The following C1orf21 variants were observed in gnomAD, a reference collection of about 807,000 sequenced individuals.
C1orf21 encodes the protein uncharacterized protein C1orf21.
C1orf21 carries 3 observed loss-of-function variants against 18.7 expected under a neutral mutation model. The ratio of observed to expected loss-of-function variants is 0.16; its 90% confidence interval spans 0.07 to 0.42. The LOEUF (loss-of-function observed/expected upper bound fraction) is 0.42. Among genes scored for constraint, C1orf21 ranks in the 10% least tolerant of loss-of-function variants. The pLI is 0.99. For missense variants in C1orf21, 104 were observed against 143.6 expected, an observed-to-expected ratio of 0.72 and a Z score of 1.41; for synonymous variants, 41 against 46.4, an observed-to-expected ratio of 0.88 and a Z score of 0.47.
At chr1:184,414,216 C>T (rs1557966044) in intron 1 of C1orf21, among the ~76,000 whole-genome samples, 1 of 152,220 alleles carries the variant, frequency 6.6e-6, no homozygotes, top group East Asian at 1.9e-4. Flanking sequence ...ACCGTGGCCT[C>T]GACTCCCAGG....
intron 1 of C1orf21, among the ~76,000 whole-genome samples, chr1:184,402,826 G>A (rs189465100): frequency 8.5e-5 from 13 of 152,232 alleles, no homozygotes; most frequent in Admixed American, 4.6e-4. Context: ...GCCATTTCGC[G>A]TCTACCAGAT....
At chr1:184,428,520 T>C (rs1357515554) in intron 1 of C1orf21, among the ~76,000 whole-genome samples, 3 of 152,200 alleles carry the variant, frequency 2.0e-5, no homozygotes, top group Non-Finnish European at 4.4e-5. Context: ...CACTTCATGT[T>C]GTATCAGAAT....
intron 5 of C1orf21, among the ~76,000 whole-genome samples, chr1:184,613,825 G>A (rs1416417627): frequency 1.3e-5 from 2 of 152,024 alleles, no homozygotes; most frequent in African/African-American, 2.4e-5. Flanking sequence ...CAACATGATG[G>A]TGCGATGGAA....
intron 2 of C1orf21, among the ~76,000 whole-genome samples, chr1:184,504,853 C>A (rs939424730): frequency 1.3e-5 from 2 of 152,144 alleles, no homozygotes; most frequent in African/African-American, 4.8e-5. Context: ...CGTTGGCTAG[C>A]CAGCCAGGGT....
chr1:184,460,240 C>T (rs1657281193), intron 1 of C1orf21, among the ~76,000 whole-genome samples: 1 of 152,156 alleles, frequency 6.6e-6, no homozygotes, highest in African/African-American at 2.4e-5. Flanking sequence ...GGAGGAAAGC[C>T]ATTCAGTAAA....
At chr1:184,612,237 A>G (rs1659746732) in intron 5 of C1orf21, among the ~76,000 whole-genome samples, 1 of 152,240 alleles carries the variant, frequency 6.6e-6, no homozygotes, top group African/African-American at 2.4e-5. Flanking sequence ...TATCACAAGC[A>G]TAACAGCTTA....
At chr1:184,557,839 G>A (rs10911608) in intron 3 of C1orf21, among the ~76,000 whole-genome samples, 4 of 151,876 alleles carry the variant, frequency 2.6e-5, no homozygotes, top group Non-Finnish European at 4.4e-5. Context: ...CCAACAACTC[G>A]TTGGCAGTAC....
At chr1:184,463,641 T>G (rs1483117712) in intron 1 of C1orf21, among the ~76,000 whole-genome samples, 1 of 152,200 alleles carries the variant, frequency 6.6e-6, no homozygotes, top group Admixed American at 6.5e-5. Flanking sequence ...CCTTAAAAAT[T>G]TATAAATGAC....
At chr1:184,513,141 G>T (rs1354668338) in intron 3 of C1orf21, among the ~76,000 whole-genome samples, 1 of 152,160 alleles carries the variant, frequency 6.6e-6, no homozygotes, top group Non-Finnish European at 1.5e-5. Context: ...CATGAAACCA[G>T]TTCCTGGTGT....
intron 1 of C1orf21, among the ~76,000 whole-genome samples, chr1:184,420,161 T>C (rs1488316317): frequency 6.6e-6 from 1 of 152,064 alleles, no homozygotes; most frequent in Non-Finnish European, 1.5e-5. Flanking sequence ...TCTTGAAATA[T>C]CTGATTACTC....
chr1:184,489,714 T>C (rs1021702095), intron 2 of C1orf21, among the ~76,000 whole-genome samples: 9 of 152,242 alleles, frequency 5.9e-5, no homozygotes, highest in Non-Finnish European at 8.8e-5. Flanking sequence ...TGTGACAGAT[T>C]ATTAAGTGAA....
chr1:184,573,469 C>T (rs893782482), intron 3 of C1orf21, among the ~76,000 whole-genome samples: 1 of 152,226 alleles, frequency 6.6e-6, no homozygotes, highest in South Asian at 2.1e-4. Flanking sequence ...CCGATTTTTC[C>T]GAAATAGACG....
chr1:184,481,876 G>A (rs1238988206), intron 2 of C1orf21, among the ~76,000 whole-genome samples: 1 of 152,156 alleles, frequency 6.6e-6, no homozygotes, highest in Non-Finnish European at 1.5e-5. Context: ...GACAGTTCCA[G>A]TACCCTAGAT....
At chr1:184,495,336 T>A (rs543114448) in intron 2 of C1orf21, among the ~76,000 whole-genome samples, 5 of 152,326 alleles carry the variant, frequency 3.3e-5, no homozygotes, top group African/African-American at 1.2e-4. Flanking sequence ...TCTTCACTTG[T>A]ACCCACCATC....
chr1:184,544,705 A>G (rs1420780210), intron 3 of C1orf21, among the ~76,000 whole-genome samples: 1 of 152,162 alleles, frequency 6.6e-6, no homozygotes, highest in Non-Finnish European at 1.5e-5. Flanking sequence ...TTATTATCTC[A>G]TACAGTTTCT....
intron 1 of C1orf21, among the ~76,000 whole-genome samples, chr1:184,452,694 CA>C (rs1657140574): frequency 6.6e-6 from 1 of 152,106 alleles, no homozygotes; most frequent in African/African-American, 2.4e-5. Context: ...AAAGAAGTTC[CA>C]TGAATCTCTT....
At chr1:184,549,666 A>G (rs1658785793) in intron 3 of C1orf21, among the ~76,000 whole-genome samples, 1 of 151,798 alleles carries the variant, frequency 6.6e-6, no homozygotes, top group African/African-American at 2.4e-5. Context: ...GGAGTGGAGC[A>G]GCAGGGAAGG....
intron 5 of C1orf21, among the ~76,000 whole-genome samples, chr1:184,607,317 C>T (rs1180802471): frequency 6.6e-6 from 1 of 152,048 alleles, no homozygotes; most frequent in African/African-American, 2.4e-5. Flanking sequence ...ATTAATGGGC[C>T]GGATGATTCC....
intron 3 of C1orf21, among the ~76,000 whole-genome samples, chr1:184,517,299 G>GTT (rs1308128326): frequency 6.6e-6 from 1 of 152,118 alleles, no homozygotes; most frequent in African/African-American, 2.4e-5. Flanking sequence ...TAAGTACTAT[G>GTT]TTTACTTTTC....
Sources: allele counts gnomAD v4.1 joint callset (sites outside exome capture counted in the v4.1 genomes callset), GRCh38; gene constraint gnomAD v4.1.1; transcripts MANE v1.5; gene names NCBI Gene and HGNC (gene_info 2026-07-23, HGNC 2026-07-21).